The following RNASE10 variants were observed in gnomAD, a reference collection of about 807,000 sequenced individuals.
RNASE10 encodes inactive ribonuclease-like protein 10.
In RNASE10, 2 loss-of-function variants were observed where a neutral mutation model predicts 1.1. That is an observed-to-expected ratio of 1.82 (90% CI 0.74 to 5.73). The LOEUF (loss-of-function observed/expected upper bound fraction) is 5.73, where lower values mean the gene tolerates loss of function less well. Ranked by LOEUF, RNASE10 falls within the 30% of genes most tolerant of loss-of-function variation. The probability of loss-of-function intolerance (pLI) is 0.05; values close to 1 mark genes in which losing one functional copy is unlikely to be tolerated. For synonymous variants in RNASE10, 97 were observed against 96.2 expected (o/e 1.01, Z -0.05); for missense variants, 276 against 263.4 (o/e 1.05, Z -0.33).
At chr14:20,507,089 G>T (rs1285070587) in intron 1 of RNASE10, among the ~76,000 whole-genome samples, 2 of 150,056 alleles carry the variant, frequency 1.3e-5, no homozygotes, top group Non-Finnish European at 3.0e-5. Flanking sequence ...CCCTCTGCCC[G>T]GCCAGGACCC....
chr14:20,510,396 A>G lies in RNASE10; in HGVS notation c.80-71A>G. 4 of 1,535,556 alleles carry G rather than the reference A, an allele frequency of 2.6e-6. No individual in the cohort carries two copies. In the South Asian group the frequency reaches 5.1e-5, roughly 20 times the overall value. ...AGATACAATGCTGTAGGGCTTAGTG[A>G]GATTACAGTCTCTACTAGAGCCAAT... On this transcript the variant is annotated intron_variant, in intron 1 of 1. Coordinates refer to ENST00000430083, the Ensembl canonical transcript of RNASE10.
rs933874225 is a variant in RNASE10 at position 20,508,222 on chromosome 14, C to G, written c.79+2203C>G. On this transcript the variant is annotated intron_variant, in intron 1 of 1. Coordinates refer to ENST00000430083, the Ensembl canonical transcript of RNASE10. ...GAAGAAGGATATTTTCTTAAACAAT[C>G]AGGGTACAGTTTTACATTCAGTATA... is the stretch of plus-strand genomic sequence containing the variant. Among the ~76,000 whole-genome samples, 5 of 152,180 alleles carry G rather than the reference C, an allele frequency of 3.3e-5. 1 individual carries two copies. Among genetic ancestry groups the G allele is most frequent in the Admixed American group, 3.3e-4 (5 of 15,280 alleles).
exon 2 of RNASE10, chr14:20,510,601 T>C: frequency 6.2e-7 from 1 of 1,614,106 alleles, no homozygotes; most frequent in Non-Finnish European, 8.5e-7. Flanking sequence ...GCTCAATGAA[T>C]TTTGGTCCAG....
exon 2 of RNASE10, chr14:20,510,703 C>T (rs1454806920): frequency 1.2e-6 from 2 of 1,614,078 alleles, no homozygotes; most frequent in South Asian, 1.1e-5. Context: ...AGTGGTGCAA[C>T]CTGGCTGGCC....
chr14:20,509,854 G>A (rs573157214), intron 1 of RNASE10, among the ~76,000 whole-genome samples: 1 of 151,504 alleles, frequency 6.6e-6, no homozygotes, highest in South Asian at 2.1e-4. Flanking sequence ...CAGGGGCATG[G>A]TGGCTCACAC....
upstream of RNASE10, among the ~76,000 whole-genome samples, chr14:20,505,315 T>C (rs1391333261): frequency 1.8e-5 from 1 of 55,472 alleles, no homozygotes; most frequent in African/African-American, 8.7e-5. Flanking sequence ...TCCCTCTCCC[T>C]CTCCCTCTCC....
chr14:20,505,320 C>CTCTCCCTCTCCG (rs1882671303), upstream of RNASE10, among the ~76,000 whole-genome samples: 1 of 92,522 alleles, frequency 1.1e-5, no homozygotes, highest in Admixed American at 1.2e-4. Flanking sequence ...CTCCCTCTCC[C>CTCTCCCTCTCCG]TCTCCCTCCA....
upstream of RNASE10, chr14:20,505,489 C>CTTTTT (rs1157729244): frequency 2.6e-5 from 2 of 76,636 alleles, 1 homozygote. Context: ...GGTTTTCGTA[C>CTTTTT]TTTTTTGGTG....
At chr14:20,513,643 A>G (rs1882948066), downstream of RNASE10, among the ~76,000 whole-genome samples, 1 of 152,230 alleles carries the variant, frequency 6.6e-6, no homozygotes, top group Admixed American at 6.5e-5. Flanking sequence ...TATTTATGCT[A>G]TGTGACCATT....
At chr14:20,506,219 G>C (rs1260803403) in intron 1 of RNASE10, among the ~76,000 whole-genome samples, 200 bp downstream of exon 1, 3 of 118,628 alleles carry the variant, frequency 2.5e-5, no homozygotes, top group East Asian at 2.8e-4. Flanking sequence ...CAGCCGCCCC[G>C]TCCGGGAGGT....
At chr14:20,508,473 C>T (rs940993728) in intron 1 of RNASE10, among the ~76,000 whole-genome samples, 5 of 152,202 alleles carry the variant, frequency 3.3e-5, no homozygotes, top group East Asian at 1.9e-4. Context: ...ACACCACCCA[C>T]CCATTAGCTA....
At chr14:20,506,323 G>T (rs1882715646) in intron 1 of RNASE10, among the ~76,000 whole-genome samples, 1 of 122,332 alleles carries the variant, frequency 8.2e-6, no homozygotes, top group African/African-American at 3.3e-5. Flanking sequence ...GGGGGGGTCA[G>T]CCCCCCGCCC....
chr14:20,507,774 T>G (rs1261892350), intron 1 of RNASE10, among the ~76,000 whole-genome samples: 2 of 150,978 alleles, frequency 1.3e-5, no homozygotes, highest in African/African-American at 4.9e-5. Context: ...AGAGATAGAT[T>G]CTCACTCCGG....
exon 2 of RNASE10, chr14:20,511,090 G>A (rs1472465956): frequency 3.2e-5 from 48 of 1,500,110 alleles, no homozygotes; most frequent in Non-Finnish European, 4.1e-5. Flanking sequence ...AACCTGTAAT[G>A]ACATGAAGCG....
downstream of RNASE10, among the ~76,000 whole-genome samples, chr14:20,511,950 GT>G (rs1170036902): frequency 2.6e-5 from 4 of 151,948 alleles, no homozygotes; most frequent in African/African-American, 9.7e-5. Flanking sequence ...CTTATGCTAT[GT>G]TGGTCCTATA....
At position 20,510,768 on chromosome 14, in the gene RNASE10, CTCAGCTCTCTT is replaced by C. The variant is rs1882878499; in HGVS notation, c.386_396del (p.Ala129GlufsTer7). On this transcript the variant is annotated frameshift_variant, in exon 2 of 2. Coordinates refer to ENST00000430083, the Ensembl canonical transcript of RNASE10. LOFTEE classifies it low-confidence loss of function (END_TRUNC). ...TTGGGGGTAACAAGATGCTCAGAGC[CTCAGCTCTCTT>C]TCAGAGCAACAAAGACTATCTTAGG... The C allele has an allele frequency of 6.2e-7, 1 of 1,614,064 alleles. No homozygotes were observed. Among genetic ancestry groups the C allele is most frequent in the Admixed American group, 1.7e-5 (1 of 60,002 alleles).
chr14:20,510,966 A>G, exon 2 of RNASE10: 1 of 1,605,348 alleles, frequency 6.2e-7, no homozygotes, highest in Non-Finnish European at 8.5e-7. Flanking sequence ...AGGGGGGAAA[A>G]TGTCACAAAA....
downstream of RNASE10, among the ~76,000 whole-genome samples, chr14:20,513,810 T>G (rs1882951300): frequency 6.6e-6 from 1 of 152,208 alleles, no homozygotes; most frequent in Non-Finnish European, 1.5e-5. Flanking sequence ...CCCAAAAGTT[T>G]CAAGTAAGAA....
At chr14:20,509,142 C>T (rs760913257) in intron 1 of RNASE10, among the ~76,000 whole-genome samples, 1 of 152,202 alleles carries the variant, frequency 6.6e-6, no homozygotes, top group Non-Finnish European at 1.5e-5. Context: ...GGCCTTCTCA[C>T]GGGTTCAAGC....
Sources: gnomAD v4.1 joint callset for allele counts (sites outside exome capture counted in the v4.1 genomes callset) on GRCh38, gnomAD v4.1.1 for gene constraint, MANE v1.5 for transcripts, NCBI Gene and HGNC (gene_info 2026-07-23, HGNC 2026-07-21) for gene names.